Variants in SYNDIG1 observed in about 807,000 individuals in gnomAD.
The protein encoded by SYNDIG1 is synapse differentiation-inducing gene protein 1.
In SYNDIG1, 9 loss-of-function variants were observed where a neutral mutation model predicts 19.4. The observed-to-expected ratio is 0.46, with a 90% CI of 0.28 to 0.81. The LOEUF (loss-of-function observed/expected upper bound fraction) is 0.81, where lower values mean the gene tolerates loss of function less well. SYNDIG1 is among the 30% of genes least tolerant of loss of function. SYNDIG1 has a pLI of 0.12. For missense variants in SYNDIG1, 311 were observed against 343.3 expected, an observed-to-expected ratio of 0.91 and a Z score of 0.74; for synonymous variants, 141 against 145.9, an observed-to-expected ratio of 0.97 and a Z score of 0.24.
intron 2 of SYNDIG1, among the ~76,000 whole-genome samples, chr20:24,574,741 A>G (rs1224583549): frequency 2.6e-5 from 4 of 152,228 alleles, no homozygotes; most frequent in Admixed American, 6.5e-5. Context: ...GTCTTATCAC[A>G]TCATAAAACC....
chr20:24,568,508 G>A (rs993811113), intron 2 of SYNDIG1, among the ~76,000 whole-genome samples: 3 of 152,132 alleles, frequency 2.0e-5, no homozygotes, highest in African/African-American at 7.2e-5. Flanking sequence ...CTGGAGTCAA[G>A]TCTGAACACA....
intron 3 of SYNDIG1, among the ~76,000 whole-genome samples, chr20:24,657,858 TA>T (rs11479377): frequency 0.4 from 60,105 of 151,982 alleles, 13,617 homozygotes; most frequent in East Asian, 0.76. Context: ...CAAAGAAATG[TA>T]ATCCAGCCAG....
intron 1 of SYNDIG1, among the ~76,000 whole-genome samples, chr20:24,516,323 TTGACAAA>T (rs1243315294): frequency 6.6e-6 from 1 of 152,122 alleles, no homozygotes; most frequent in African/African-American, 2.4e-5. Flanking sequence ...AAAGCCAAAA[TTGACAAA>T]TGGAATCTAA....
rs572001347 is a variant in SYNDIG1, at chr20:24,654,650, GAGGAAGGAAGGA to G, written c.619-10657_619-10646del. ...GGGAGGAAGGAGAGAGGGAGGGAGGGAGGAAGGAAGGAAGGAAGGAAGGAAGGAAGGAAGGAA... is the reference window on the plus strand; with the variant it reads ...GGGAGGAAGGAGAGAGGGAGGGAGGGAGGAAGGAAGGAAGGAAGGAAGGAA... On this transcript the variant is annotated intron_variant, in intron 3 of 3. Coordinates refer to ENST00000376862, the MANE Select transcript of SYNDIG1 (RefSeq NM_024893.3). Among the ~76,000 whole-genome samples the G allele has an allele frequency of 3.0e-3, 351 of 117,452 alleles. 2 individuals are homozygous for G. The highest frequency in any genetic ancestry group is 9.6e-3 in the African/African-American group (283 of 29,418). The allele number at this position is 117,452 out of a possible 152,430, so 77.1% of individuals were successfully genotyped here. A position where few individuals can be genotyped will look rare whatever the true frequency, so the allele number is the denominator to read the frequency against.
At chr20:24,539,291 T>C (rs547825861) in intron 1 of SYNDIG1, among the ~76,000 whole-genome samples, 3 of 152,298 alleles carry the variant, frequency 2.0e-5, no homozygotes, top group Non-Finnish European at 4.4e-5. Context: ...TAGGTAAGGG[T>C]TCAACTTCAT....
intron 3 of SYNDIG1, among the ~76,000 whole-genome samples, chr20:24,625,173 A>G (rs2059103849): frequency 6.6e-6 from 1 of 152,224 alleles, no homozygotes; most frequent in African/African-American, 2.4e-5. Context: ...GGAAATAACT[A>G]CAATTAGAGA....
intron 1 of SYNDIG1, among the ~76,000 whole-genome samples, chr20:24,512,336 C>A (rs1003169930): frequency 6.6e-6 from 1 of 150,730 alleles, no homozygotes; most frequent in East Asian, 2.0e-4. Flanking sequence ...CAAAGCAGGG[C>A]GAGGCATTGC....
intron 1 of SYNDIG1, among the ~76,000 whole-genome samples, chr20:24,521,621 CA>C (rs1413318298): frequency 6.6e-6 from 1 of 152,078 alleles, no homozygotes; most frequent in Non-Finnish European, 1.5e-5. Context: ...TACCTCGCCA[CA>C]CACAGTGGCT....
intron 1 of SYNDIG1, among the ~76,000 whole-genome samples, chr20:24,524,387 A>T (rs62215267): frequency 6.6e-6 from 1 of 152,142 alleles, no homozygotes; most frequent in Non-Finnish European, 1.5e-5. Context: ...GGCTCACGCC[A>T]GTAATCCCAG....
At position 24,582,977 on chromosome 20, in the gene SYNDIG1, G is replaced by A. The variant is rs914189541; in HGVS notation, c.481-1879G>A. Among the ~76,000 whole-genome samples, 15 of 152,320 alleles carry A rather than the reference G, an allele frequency of 9.8e-5. No homozygotes were observed. In the South Asian group the frequency reaches 1.9e-3, roughly 19 times the overall value. ...CTGCCCTGCAGGCTTGTTGGGGGGC[G>A]AGTAAACAGTGAGCCCAAGTTCCAC... On this transcript the variant is annotated intron_variant, in intron 2 of 3. Transcript: ENST00000376862.
At chr20:24,639,912 A>G (rs990103048) in intron 3 of SYNDIG1, among the ~76,000 whole-genome samples, 22 of 152,256 alleles carry the variant, frequency 1.4e-4, no homozygotes, top group Admixed American at 3.9e-4. Context: ...TGGACACAAC[A>G]TGATTATTTA....
chr20:24,539,186 G>A (rs1475634941), intron 1 of SYNDIG1, among the ~76,000 whole-genome samples: 1 of 152,144 alleles, frequency 6.6e-6, no homozygotes, highest in Admixed American at 6.5e-5. Flanking sequence ...CCAATGTCAT[G>A]AAGCTTTTGC....
chr20:24,664,528 C>G (rs931193026), intron 3 of SYNDIG1, among the ~76,000 whole-genome samples: 6 of 152,134 alleles, frequency 3.9e-5, no homozygotes, highest in Non-Finnish European at 8.8e-5. Context: ...GCATCTCACC[C>G]CATCTGCCAA....
chr20:24,565,845 C>T (rs565342623), intron 2 of SYNDIG1, among the ~76,000 whole-genome samples: 2 of 152,278 alleles, frequency 1.3e-5, no homozygotes, highest in African/African-American at 2.4e-5. Context: ...CCTTGCAGCC[C>T]TTCCTTCTGC....
chr20:24,523,913 A>G (rs1161688360), intron 1 of SYNDIG1, among the ~76,000 whole-genome samples: 3 of 152,168 alleles, frequency 2.0e-5, no homozygotes, highest in Non-Finnish European at 2.9e-5. Context: ...TGCCATGCAG[A>G]GATTGCTTTT....
chr20:24,626,551 G>A (rs1396680013), intron 3 of SYNDIG1, among the ~76,000 whole-genome samples: 1 of 149,542 alleles, frequency 6.7e-6, no homozygotes, highest in Admixed American at 6.7e-5. Context: ...CACTTCCTAG[G>A]TGGGATGGCG....
intron 2 of SYNDIG1, among the ~76,000 whole-genome samples, chr20:24,544,798 TG>T (rs982863069): frequency 1.3e-5 from 2 of 152,250 alleles, no homozygotes; most frequent in South Asian, 2.1e-4. Context: ...AGCAATGAAC[TG>T]GGGGAAGTGC....
intron 2 of SYNDIG1, among the ~76,000 whole-genome samples, chr20:24,545,869 T>G (rs2057566512): frequency 6.6e-6 from 1 of 152,234 alleles, no homozygotes; most frequent in South Asian, 2.1e-4. Context: ...ATATTTCTAG[T>G]GACTTTTGAA....
At chr20:24,609,381 T>G (rs571461558) in intron 3 of SYNDIG1, among the ~76,000 whole-genome samples, 5 of 152,344 alleles carry the variant, frequency 3.3e-5, no homozygotes, top group African/African-American at 1.2e-4. Flanking sequence ...GGGGCACTCT[T>G]TATTTTTAAC....
Sources: allele counts gnomAD v4.1 joint callset (sites outside exome capture counted in the v4.1 genomes callset), GRCh38; gene constraint gnomAD v4.1.1; transcripts MANE v1.5; gene names NCBI Gene and HGNC (gene_info 2026-07-23, HGNC 2026-07-21).